Variants in LRMDA observed in about 807,000 individuals in gnomAD.
The protein encoded by LRMDA is leucine-rich melanocyte differentiation-associated protein.
In LRMDA, 18 loss-of-function variants were observed where a neutral mutation model predicts 29.8. The observed-to-expected ratio is 0.60, with a 90% confidence interval of 0.42 to 0.90. The LOEUF (loss-of-function observed/expected upper bound fraction) is 0.90, where lower values mean the gene tolerates loss of function less well. Among genes scored for constraint, LRMDA ranks in the 40% least tolerant of loss-of-function variants. LRMDA has a pLI of 0.00. For missense variants in LRMDA, 273 were observed against 273.9 expected, an observed-to-expected ratio of 1.00 and a Z score of 0.02; for synonymous variants, 125 against 109.4, an observed-to-expected ratio of 1.14 and a Z score of -0.89.
chr10:76,363,040 T>G (rs2132446357), intron 6 of LRMDA, among the ~76,000 whole-genome samples: 1 of 150,546 alleles, frequency 6.6e-6, no homozygotes, highest in South Asian at 2.1e-4. Context: ...CAATCATTTT[T>G]GTTATTAAAA....
rs146767168 is a variant in LRMDA at position 76,165,261 on chromosome 10, C to A, written c.516+106478C>A. On this transcript the variant is annotated intron_variant, in intron 5 of 6. Transcript: ENST00000611255. Reference sequence around the variant, plus strand: ...GTACTGGGATTACAGGCGTGAGACGCCATGCCCAGCCAAAAAGAGAGTTTT... The same window carrying A: ...GTACTGGGATTACAGGCGTGAGACGACATGCCCAGCCAAAAAGAGAGTTTT... Among the ~76,000 whole-genome samples, 208 of 151,604 alleles carry A rather than the reference C, an allele frequency of 1.4e-3. 1 individual carries two copies. The highest frequency in any genetic ancestry group is 9.3e-3 in the Admixed American group (141 of 15,226).
chr10:76,291,449 A>G (rs1294623471), intron 5 of LRMDA, among the ~76,000 whole-genome samples: 2 of 152,358 alleles, frequency 1.3e-5, no homozygotes, highest in Non-Finnish European at 2.9e-5. Flanking sequence ...TAATGGCTGA[A>G]TCACTAACAC....
chr10:75,470,670 C>T (rs765765659), intron 2 of LRMDA, among the ~76,000 whole-genome samples: 2 of 152,152 alleles, frequency 1.3e-5, no homozygotes, highest in African/African-American at 2.4e-5. Flanking sequence ...CTTCCCAGTG[C>T]CAGAGCTCAC....
At chr10:75,612,365 C>T (rs528849781) in intron 2 of LRMDA, among the ~76,000 whole-genome samples, 2 of 151,530 alleles carry the variant, frequency 1.3e-5, no homozygotes, top group Non-Finnish European at 2.9e-5. Context: ...TTATAAATCT[C>T]TCTGGTTGAG....
chr10:75,644,708 A>G (rs113938155), intron 2 of LRMDA, among the ~76,000 whole-genome samples: 2 of 152,220 alleles, frequency 1.3e-5, no homozygotes, highest in African/African-American at 4.8e-5. Context: ...TGCAGATCAC[A>G]CTGGCCCTCT....
intron 2 of LRMDA, among the ~76,000 whole-genome samples, chr10:75,527,745 AAAT>A (rs1160624860): frequency 1.4e-5 from 2 of 147,466 alleles, no homozygotes; most frequent in African/African-American, 2.5e-5. Context: ...ATTATAATAT[AAAT>A]AATATATAAT....
intron 5 of LRMDA, among the ~76,000 whole-genome samples, chr10:76,141,142 A>T (rs12413179): frequency 1.3e-5 from 2 of 151,956 alleles, no homozygotes; most frequent in Admixed American, 6.6e-5. Flanking sequence ...AGTTTCTTTC[A>T]GCAGGCTCAA....
At chr10:75,723,612 T>C (rs1842595992) in intron 2 of LRMDA, among the ~76,000 whole-genome samples, 1 of 151,936 alleles carries the variant, frequency 6.6e-6, no homozygotes, top group African/African-American at 2.4e-5. Flanking sequence ...GCTCAGGAAA[T>C]AGAACAGGAA....
chr10:75,965,510 G>A (rs1405455731), intron 2 of LRMDA, among the ~76,000 whole-genome samples: 2 of 152,110 alleles, frequency 1.3e-5, no homozygotes, highest in Non-Finnish European at 2.9e-5. Flanking sequence ...AATGAGGTAT[G>A]CTTAGATGAA....
At chr10:76,327,154 C>A (rs888507091) in intron 6 of LRMDA, among the ~76,000 whole-genome samples, 1 of 148,836 alleles carries the variant, frequency 6.7e-6, no homozygotes, top group African/African-American at 2.5e-5. Context: ...TGCAATGGCA[C>A]AATCTTAGCT....
chr10:76,147,123 T>A (rs1359625750), intron 5 of LRMDA, among the ~76,000 whole-genome samples: 1 of 152,218 alleles, frequency 6.6e-6, no homozygotes, highest in Non-Finnish European at 1.5e-5. Context: ...TAACGTTTTT[T>A]CCTTCATTTC....
intron 2 of LRMDA, among the ~76,000 whole-genome samples, chr10:75,623,353 G>A (rs958673750): frequency 6.6e-6 from 1 of 152,110 alleles, no homozygotes; most frequent in Admixed American, 6.6e-5. Flanking sequence ...AAGAATGGAT[G>A]GGCTACTGTC....
chr10:76,112,948 A>G (rs1394679643), intron 5 of LRMDA, among the ~76,000 whole-genome samples: 6 of 152,132 alleles, frequency 3.9e-5, no homozygotes, highest in Non-Finnish European at 7.4e-5. Flanking sequence ...TGCCTTGGAA[A>G]CTGACATGAG....
chr10:75,995,895 T>C (rs1490225243), intron 2 of LRMDA, among the ~76,000 whole-genome samples: 3 of 152,118 alleles, frequency 2.0e-5, no homozygotes, highest in Non-Finnish European at 4.4e-5. Flanking sequence ...AACTCTTGGA[T>C]CTTAGGCACC....
intron 5 of LRMDA, among the ~76,000 whole-genome samples, chr10:76,096,430 T>C (rs1365927037): frequency 6.6e-6 from 1 of 152,126 alleles, no homozygotes; most frequent in East Asian, 1.9e-4. Flanking sequence ...ATTGGCCATG[T>C]ACATTGGTCT....
chr10:76,375,665 C>T lies in LRMDA; in HGVS notation c.601+51180C>T, dbSNP rs1185702991. 2.0e-5 allele frequency among the ~76,000 whole-genome samples: 3 copies of T among 150,426 alleles called. No homozygotes were observed. The East Asian group carries it at 5.8e-4, about 29-fold the overall frequency. On this transcript the variant is annotated intron_variant, in intron 6 of 6. Coordinates refer to ENST00000611255, the MANE Select transcript of LRMDA (RefSeq NM_001305581.2). ...TTTTTGGAGAGCTAGAAATTAATCC[C>T]TACAAGTCTTAAATCCTGATGTTAC...
chr10:76,430,065 A>G (rs564108270), intron 6 of LRMDA, among the ~76,000 whole-genome samples: 50 of 152,360 alleles, frequency 3.3e-4, no homozygotes, highest in South Asian at 1.2e-3. Flanking sequence ...TTATGATATC[A>G]TAACAGCTGG....
chr10:76,219,220 A>G, intron 5 of LRMDA, among the ~76,000 whole-genome samples: 1 of 152,300 alleles, frequency 6.6e-6, no homozygotes, highest in Non-Finnish European at 1.5e-5. Context: ...CGAGCAAAAT[A>G]ACCAGCTAAC....
At chr10:75,668,000 C>T (rs1323549265) in intron 2 of LRMDA, among the ~76,000 whole-genome samples, 1 of 152,230 alleles carries the variant, frequency 6.6e-6, no homozygotes, top group African/African-American at 2.4e-5. Flanking sequence ...TTCTTCCATT[C>T]CTTTGGTTAA....
Sources: gnomAD v4.1 joint callset for allele counts (sites outside exome capture counted in the v4.1 genomes callset) on GRCh38, gnomAD v4.1.1 for gene constraint, MANE v1.5 for transcripts, NCBI Gene and HGNC (gene_info 2026-07-23, HGNC 2026-07-21) for gene names.